The following WDR7 variants were observed in gnomAD, a reference collection of about 807,000 sequenced individuals.
WDR7 encodes the protein WD repeat-containing protein 7.
In WDR7, 46 loss-of-function variants were observed where a neutral mutation model predicts 169.4. The ratio of observed to expected loss-of-function variants is 0.27; its 90% CI spans 0.21 to 0.35. The LOEUF is 0.35. WDR7 is among the 10% of genes least tolerant of loss of function. The pLI, the probability that WDR7 is intolerant of heterozygous loss-of-function variation, is 1.00. For synonymous variants in WDR7, 612 were observed against 666.8 expected (o/e 0.92, Z 1.27); for missense variants, 1,534 against 1,859.3 (o/e 0.83, Z 3.22).
At chr18:56,999,405 T>G (rs1027021931) in intron 26 of WDR7, among the ~76,000 whole-genome samples, 2 of 152,214 alleles carry the variant, frequency 1.3e-5, no homozygotes, top group African/African-American at 4.8e-5. Context: ...GAAGTAGTGA[T>G]AATGGTTTAT....
intron 13 of WDR7, among the ~76,000 whole-genome samples, chr18:56,727,337 G>A (rs753876855): frequency 1.3e-5 from 2 of 150,058 alleles, no homozygotes; most frequent in Middle Eastern, 3.4e-3. Context: ...GTTTAGTTGG[G>A]AATGGATTTT....
intron 14 of WDR7, among the ~76,000 whole-genome samples, chr18:56,746,734 G>T (rs1481195525): frequency 6.6e-6 from 1 of 152,166 alleles, no homozygotes; most frequent in Admixed American, 6.5e-5. Context: ...GCAGGTAGAT[G>T]TATTTGTTTC....
chr18:56,815,636 T>G (rs2044953641), intron 19 of WDR7, among the ~76,000 whole-genome samples: 1 of 152,204 alleles, frequency 6.6e-6, no homozygotes, highest in African/African-American at 2.4e-5. Flanking sequence ...AACTCCCAAG[T>G]TATAAACAAA....
intron 11 of WDR7, 145 bp downstream of exon 11, chr18:56,695,343 G>A: frequency 1.0e-6 from 1 of 981,326 alleles, no homozygotes; most frequent in Non-Finnish European, 1.5e-6. Flanking sequence ...AGAGTTTAAT[G>A]CACAGATAAA....
At chr18:56,888,225 T>C (rs542040966) in intron 21 of WDR7, among the ~76,000 whole-genome samples, 1 of 152,222 alleles carries the variant, frequency 6.6e-6, no homozygotes, top group East Asian at 1.9e-4. Flanking sequence ...ACGTATCTTA[T>C]ACTTTTTTGA....
At chr18:56,742,273 T>G (rs143413295) in intron 14 of WDR7, among the ~76,000 whole-genome samples, 49 of 152,330 alleles carry the variant, frequency 3.2e-4, no homozygotes, top group African/African-American at 1.1e-3. Flanking sequence ...CTAGGTGGAT[T>G]AAACCCTATG....
At chr18:56,913,936 G>T (rs181862761) in intron 21 of WDR7, among the ~76,000 whole-genome samples, 1 of 152,074 alleles carries the variant, frequency 6.6e-6, no homozygotes, top group South Asian at 2.1e-4. Context: ...CCCCACTACG[G>T]TCTATTCCAT....
chr18:56,989,199 T>C (rs2145852302), intron 26 of WDR7, among the ~76,000 whole-genome samples: 1 of 152,238 alleles, frequency 6.6e-6, no homozygotes, highest in South Asian at 2.1e-4. Flanking sequence ...ATGATAAAAA[T>C]ATTCTGTGTC....
At position 57,007,652 on chromosome 18, in the gene WDR7, T is replaced by C. The variant is rs116518487; in HGVS notation, c.4165-13093T>C. ...TACATTAATTTATCACAAAATCCTC[T>C]TTTAAAGGTGATTTGTACATTGGGA... On this transcript the variant is annotated intron_variant, in intron 26 of 27. Transcript: ENST00000254442. Among the ~76,000 whole-genome samples, 249 of 152,312 alleles carry C rather than the reference T, an allele frequency of 1.6e-3. 2 individuals are homozygous for C. The highest frequency in any genetic ancestry group is 6.8e-3 in the Middle Eastern group (2 of 294).
intron 16 of WDR7, among the ~76,000 whole-genome samples, chr18:56,772,926 A>G (rs553948610): frequency 6.6e-6 from 1 of 152,254 alleles, no homozygotes; most frequent in South Asian, 2.1e-4. Context: ...AGAAACAGTT[A>G]AAATGTTTGA....
chr18:56,794,361 G>A (rs187581529), intron 19 of WDR7, among the ~76,000 whole-genome samples: 192 of 117,820 alleles, frequency 1.6e-3, no homozygotes, highest in Non-Finnish European at 2.5e-3. Context: ...CCAGGCTGGA[G>A]TACAGTGGCG....
At chr18:56,820,649 G>A (rs1051439922) in intron 20 of WDR7, among the ~76,000 whole-genome samples, 3 of 151,926 alleles carry the variant, frequency 2.0e-5, no homozygotes, top group Non-Finnish European at 4.4e-5. Flanking sequence ...CCTCAGTTAC[G>A]TTGTACAGAC....
At chr18:57,026,379 A>G (rs754437688) in intron 27 of WDR7, among the ~76,000 whole-genome samples, 16 of 152,262 alleles carry the variant, frequency 1.1e-4, no homozygotes, top group Non-Finnish European at 1.9e-4. Context: ...ACAGTGAGGC[A>G]CAGACATAGT....
At chr18:56,687,673 C>T (rs1237414265) in intron 7 of WDR7, among the ~76,000 whole-genome samples, 1 of 152,128 alleles carries the variant, frequency 6.6e-6, no homozygotes, top group Admixed American at 6.5e-5. Context: ...GTAGCCCAGG[C>T]TGGAGTGCAA....
chr18:56,939,802 G>C (rs76295060), intron 25 of WDR7, among the ~76,000 whole-genome samples: 1 of 151,896 alleles, frequency 6.6e-6, no homozygotes, highest in South Asian at 2.1e-4. Flanking sequence ...TAATACCAAG[G>C]CCAGTCTTTG....
intron 1 of WDR7, among the ~76,000 whole-genome samples, chr18:56,659,400 C>G (rs1218208801): frequency 6.6e-6 from 1 of 152,092 alleles, no homozygotes; most frequent in African/African-American, 2.4e-5. Context: ...TATTTGGATT[C>G]CTTCTATGTG....
rs1261898521 is a variant in WDR7 at position 56,930,452 on chromosome 18, A to G, written c.3714-5336A>G. Among the ~76,000 whole-genome samples, 4 of 150,786 alleles carry G rather than the reference A, an allele frequency of 2.7e-5. No individual in the cohort carries two copies. In the East Asian group the frequency reaches 7.7e-4, roughly 29 times the overall value. On this transcript the variant is annotated intron_variant, in intron 22 of 27. Transcript: ENST00000254442. ...AGAAAATTTATAATCTGAGGAAGCC[A>G]TATAAATAAATCCTATTAGCATAGT...
In WDR7 at chr18:56,695,188, G is replaced by A; in HGVS notation, c.1347G>A (p.Met449Ile). Residue 449 changes from methionine (M) to isoleucine (I), a missense_variant, in exon 11 of 28, where the codon ATG becomes ATA. Transcript: ENST00000254442. Reference sequence around the variant, plus strand: ...TACAGCTGTTGCAAGGGGAACACATGCTCAGAAGAGGTATACTGAAGAGCT... The same window carrying A: ...TACAGCTGTTGCAAGGGGAACACATACTCAGAAGAGGTATACTGAAGAGCT... ...AIVQLLQGEH[M>I]LRRGWPPHRT... The A allele has an allele frequency of 1.2e-6, 2 of 1,614,064 alleles. No individual in the cohort carries two copies. The highest frequency in any genetic ancestry group is 1.7e-6 in the Non-Finnish European group (2 of 1,179,958).
rs386387798 is a variant in WDR7, at chr18:56,820,339, CAAAAA to C, written c.3304+4216_3304+4220del. On this transcript the variant is annotated intron_variant, in intron 20 of 27. Transcript: ENST00000254442. ...AAGGGTCAAGAGTCACTGACATTGT[CAAAAA>C]AAAAAAAAAAAAAAAAAAAACCACC... 2.8e-3 allele frequency among the ~76,000 whole-genome samples: 119 copies of C among 42,476 alleles called. 3 individuals are homozygous for C. In the South Asian group the frequency reaches 0.041, roughly 15 times the overall value. 27.9% of individuals were successfully genotyped at this position (42,476 alleles called of 152,430 possible).
Sources: allele counts gnomAD v4.1 joint callset (sites outside exome capture counted in the v4.1 genomes callset), GRCh38; gene constraint gnomAD v4.1.1; transcripts MANE v1.5; gene names NCBI Gene and HGNC (gene_info 2026-07-23, HGNC 2026-07-21).